NDFIP2: variants seen among roughly 807,000 people sequenced by gnomAD.
The protein encoded by NDFIP2 is Nedd4 family interacting protein 2, also known as NEDD4 family-interacting protein 2.
Under a neutral mutation model 36.0 loss-of-function variants are expected in NDFIP2, and 19 were observed. The observed-to-expected ratio is 0.53, with a 90% CI of 0.37 to 0.77. The LOEUF (loss-of-function observed/expected upper bound fraction) is 0.77. Ranked by LOEUF, NDFIP2 falls within the 30% of genes least tolerant of loss-of-function variation. The probability of loss-of-function intolerance (pLI) is 0.00; values close to 1 mark genes in which losing one functional copy is unlikely to be tolerated. For missense variants in NDFIP2, 446 were observed against 435.8 expected (o/e 1.02, Z -0.21); for synonymous variants, 181 against 167.7 (o/e 1.08, Z -0.61).
intron 1 of NDFIP2, among the ~76,000 whole-genome samples, chr13:79,485,402 G>T (rs1238334326): frequency 6.6e-6 from 1 of 152,164 alleles, no homozygotes; most frequent in Non-Finnish European, 1.5e-5. Flanking sequence ...GGACATTCAG[G>T]CCCATGGCTG....
intron 2 of NDFIP2, among the ~76,000 whole-genome samples, chr13:79,528,008 A>T (rs1374367915): frequency 6.6e-6 from 1 of 152,162 alleles, no homozygotes; most frequent in Admixed American, 6.6e-5. Flanking sequence ...ACATGCCTAT[A>T]ATTCCAGTAC....
chr13:79,487,883 AGTTT>A (rs1873082961), intron 1 of NDFIP2, among the ~76,000 whole-genome samples: 2 of 152,164 alleles, frequency 1.3e-5, no homozygotes, highest in South Asian at 4.2e-4. Context: ...TACTCTCTCT[AGTTT>A]GTTTGCCTCA....
At chr13:79,544,751 G>A (rs955202100) in intron 5 of NDFIP2, among the ~76,000 whole-genome samples, 1 of 151,990 alleles carries the variant, frequency 6.6e-6, no homozygotes, top group East Asian at 1.9e-4. Context: ...TTATGAAGTT[G>A]ATTTAAAAGT....
intron 1 of NDFIP2, among the ~76,000 whole-genome samples, chr13:79,491,315 A>G (rs1052217469): frequency 2.0e-5 from 3 of 152,110 alleles, no homozygotes; most frequent in Non-Finnish European, 4.4e-5. Flanking sequence ...TTTTATATTT[A>G]TTCTGTTTCT....
rs1351943503 is a variant in NDFIP2 at position 79,554,150 on chromosome 13, A to G, written c.*1637A>G. 6.6e-6 allele frequency: 1 copy of G among 151,436 alleles called. No homozygotes were observed. The highest frequency in any genetic ancestry group is 1.5e-5 in the Non-Finnish European group (1 of 67,580). The allele number at this position is 151,436 out of a possible 1,614,324, so 9.4% of individuals were successfully genotyped here. ...TTTCCTGCGTAGAATTTTTATTGTT[A>G]TATTAAAATTTTTATTGTTGTATTA... On this transcript the variant is annotated 3_prime_UTR_variant, in exon 8 of 8. Coordinates refer to ENST00000218652, the MANE Select transcript of NDFIP2 (RefSeq NM_019080.3).
In NDFIP2 at chr13:79,548,343, A is replaced by T; in HGVS notation, c.856A>T (p.Thr286Ser). 6.3e-7 allele frequency: 1 copy of T among 1,588,506 alleles called. No individual in the cohort carries two copies. The highest frequency in any genetic ancestry group is 8.6e-7 in the Non-Finnish European group (1 of 1,164,478). ...CACTCCATAGTTTTCTGATTATTTTACTGGATATTTCAATGGACAGTATTG... is the reference window on the plus strand; with the variant it reads ...CACTCCATAGTTTTCTGATTATTTTTCTGGATATTTCAATGGACAGTATTG... ...ILIVRFSDYF[T>S]GYFNGQYWLW... The change falls in exon 6 of 8, where the codon ACT becomes TCT. Residue 286 changes from threonine to serine, a missense_variant. By Grantham distance (58) the Thr-to-Ser change is moderately conservative. Transcript: ENST00000218652.
intron 1 of NDFIP2, among the ~76,000 whole-genome samples, chr13:79,486,102 T>C (rs375255962): frequency 3.3e-5 from 5 of 152,330 alleles, no homozygotes; most frequent in Admixed American, 1.3e-4. Flanking sequence ...CACGTTCATC[T>C]TTGGGTCCCA....
intron 4 of NDFIP2, among the ~76,000 whole-genome samples, chr13:79,543,265 T>C (rs187916489): frequency 6.6e-6 from 1 of 152,374 alleles, no homozygotes; most frequent in African/African-American, 2.4e-5. Context: ...TACATTGTGA[T>C]CTGGTTTTAA....
At chr13:79,510,537 G>A (rs111976436) in intron 1 of NDFIP2, among the ~76,000 whole-genome samples, 1 of 152,044 alleles carries the variant, frequency 6.6e-6, no homozygotes, top group African/African-American at 2.4e-5. Flanking sequence ...ACACACAGGG[G>A]AGAACCACAG....
At chr13:79,494,280 G>C (rs1873354303) in intron 1 of NDFIP2, among the ~76,000 whole-genome samples, 1 of 151,902 alleles carries the variant, frequency 6.6e-6, no homozygotes, top group Non-Finnish European at 1.5e-5. Context: ...TTCTATCTCA[G>C]AATTACTGTG....
chr13:79,525,376 G>C, intron 2 of NDFIP2, among the ~76,000 whole-genome samples: 1 of 152,196 alleles, frequency 6.6e-6, no homozygotes, highest in East Asian at 1.9e-4. Flanking sequence ...CAATTTCACA[G>C]ATAGAAGATT....
intron 5 of NDFIP2, among the ~76,000 whole-genome samples, chr13:79,543,946 CTTTA>C (rs141613433): frequency 0.075 from 11,353 of 151,998 alleles, 660 homozygotes; most frequent in East Asian, 0.17. Flanking sequence ...TATGTCTTAA[CTTTA>C]TTTAATTGTT....
At chr13:79,542,445 G>A (rs1875491098) in intron 4 of NDFIP2, among the ~76,000 whole-genome samples, 1 of 151,860 alleles carries the variant, frequency 6.6e-6, no homozygotes. Flanking sequence ...ATGAATGAGA[G>A]TTCCTGTTGC....
intron 2 of NDFIP2, among the ~76,000 whole-genome samples, chr13:79,531,021 T>G (rs1357349881): frequency 1.3e-5 from 2 of 152,208 alleles, no homozygotes; most frequent in African/African-American, 4.8e-5. Context: ...GCAATCGTCT[T>G]ATGAAATATA....
At chr13:79,520,584 T>G (rs1257724216) in intron 1 of NDFIP2, among the ~76,000 whole-genome samples, 1 of 152,226 alleles carries the variant, frequency 6.6e-6, no homozygotes, top group Non-Finnish European at 1.5e-5. Context: ...ACCTTCCTCT[T>G]TATTGTAAAG....
chr13:79,528,131 A>G (rs973750740), intron 2 of NDFIP2, among the ~76,000 whole-genome samples: 3 of 152,038 alleles, frequency 2.0e-5, no homozygotes, highest in African/African-American at 4.8e-5. Context: ...GTGGCAATGC[A>G]CACCCGTAGT....
chr13:79,509,983 T>C (rs1462758216), intron 1 of NDFIP2, among the ~76,000 whole-genome samples: 1 of 152,214 alleles, frequency 6.6e-6, no homozygotes, highest in Non-Finnish European at 1.5e-5. Context: ...CCCAGCCCAC[T>C]GACTCAAATG....
chr13:79,513,623 A>G (rs902455804), intron 1 of NDFIP2, among the ~76,000 whole-genome samples: 2 of 152,124 alleles, frequency 1.3e-5, no homozygotes, highest in Non-Finnish European at 2.9e-5. Context: ...AGCGTCCTGG[A>G]AGATAGACAA....
At chr13:79,500,251 T>G (rs183301404) in intron 1 of NDFIP2, among the ~76,000 whole-genome samples, 1 of 150,892 alleles carries the variant, frequency 6.6e-6, no homozygotes, top group Admixed American at 6.6e-5. Context: ...GATCTAAATG[T>G]AAAAGGCAAA....
Sources: allele counts gnomAD v4.1 joint callset (sites outside exome capture counted in the v4.1 genomes callset), GRCh38; gene constraint gnomAD v4.1.1; transcripts MANE v1.5; gene names NCBI Gene and HGNC (gene_info 2026-07-23, HGNC 2026-07-21).